FBXO38: variants seen among roughly 807,000 people sequenced by gnomAD.
FBXO38 encodes the protein F-box only protein 38.
Under a neutral mutation model 131.9 loss-of-function variants are expected in FBXO38, and 53 were observed. That is an observed-to-expected ratio of 0.40 (90% CI 0.32 to 0.51). FBXO38 has a LOEUF of 0.51. Ranked by LOEUF, FBXO38 falls within the 20% of genes least tolerant of loss-of-function variation. FBXO38 has a pLI of 0.53. For synonymous variants in FBXO38, 452 were observed against 505.6 expected, an observed-to-expected ratio of 0.89 and a Z score of 1.42; for missense variants, 1,076 against 1,475.6, an observed-to-expected ratio of 0.73 and a Z score of 4.44.
intron 12 of FBXO38, among the ~76,000 whole-genome samples, chr5:148,421,769 C>T (rs1474083553): frequency 1.3e-5 from 2 of 152,138 alleles, no homozygotes; most frequent in Admixed American, 1.3e-4. Context: ...AGCCCAGGGG[C>T]ATCACCATCC....
intron 2 of FBXO38, among the ~76,000 whole-genome samples, chr5:148,395,827 T>C (rs557861382): frequency 3.9e-5 from 6 of 152,246 alleles, no homozygotes; most frequent in African/African-American, 1.4e-4. Flanking sequence ...ACATGGTACT[T>C]ATCATTTCCC....
chr5:148,385,963 A>T (rs1003640537), intron 1 of FBXO38, among the ~76,000 whole-genome samples: 3 of 152,152 alleles, frequency 2.0e-5, no homozygotes, highest in Non-Finnish European at 4.4e-5. Context: ...AGGAGATTTG[A>T]ATTGACGAGA....
At chr5:148,397,894 C>G (rs1443289864) in intron 2 of FBXO38, among the ~76,000 whole-genome samples, 1 of 152,014 alleles carries the variant, frequency 6.6e-6, no homozygotes, top group African/African-American at 2.4e-5. Context: ...AATACACTTA[C>G]CTGGAATTTG....
chr5:148,425,618 T>C lies in FBXO38; in HGVS notation c.1835T>C (p.Val612Ala), dbSNP rs1412789639. 4.3e-6 allele frequency: 7 copies of C among 1,613,874 alleles called. 1 individual carries two copies. The South Asian group carries it at 7.7e-5, about 18-fold the overall frequency. Residue 612 changes from valine to alanine, a missense_variant, in exon 14 of 22, where the codon GTC becomes GCC. Val to Ala is a moderately conservative substitution (Grantham distance 64). Coordinates refer to ENST00000340253, the MANE Select transcript of FBXO38 (RefSeq NM_205836.3). The part of the protein sequence containing the change: ...DEEDSLELQE[V>A]WIPKNGTRRY... Reference sequence around the variant, plus strand: ...GAAGATAGTCTAGAACTCCAAGAAGTCTGGATTCCTAAGAACGGTACTCGG... The same window carrying C: ...GAAGATAGTCTAGAACTCCAAGAAGCCTGGATTCCTAAGAACGGTACTCGG...
At chr5:148,402,975 T>C (rs1042307214) in intron 5 of FBXO38, among the ~76,000 whole-genome samples, 2 of 152,052 alleles carry the variant, frequency 1.3e-5, no homozygotes, top group African/African-American at 2.4e-5. Flanking sequence ...AAGTGGAAAT[T>C]TCTGAAACTC....
intron 19 of FBXO38, 140 bp downstream of exon 19, chr5:148,439,932 G>A (rs1754575463): frequency 1.3e-6 from 1 of 794,966 alleles, no homozygotes. Flanking sequence ...GTTAACGTAA[G>A]TAAGAAACTG....
intron 12 of FBXO38, among the ~76,000 whole-genome samples, chr5:148,420,039 G>C (rs1043752290): frequency 4.0e-5 from 6 of 151,744 alleles, no homozygotes; most frequent in South Asian, 4.1e-4. Flanking sequence ...GTACTTAATT[G>C]TGAGCTAGTT....
chr5:148,410,593 GT>G lies in FBXO38; in HGVS notation c.963-37del, dbSNP rs750315745. The G allele has an allele frequency of 1.7e-5, 28 of 1,607,542 alleles. No homozygotes were observed. In the African/African-American group the frequency reaches 3.6e-4, roughly 21 times the overall value. ...TTAGGAGGAATCTTTGATTCTGATG[GT>G]TTTTGTTTTACTCTGATATGTTCTC... On this transcript the variant is annotated intron_variant, in intron 8 of 21. Transcript: ENST00000340253.
In FBXO38 at chr5:148,406,233, T is replaced by C. The variant is rs200447326; in HGVS notation, c.731-24T>C. On this transcript the variant is annotated intron_variant, in intron 6 of 21. Transcript: ENST00000340253. ...TTTTAAGGCACTTTACATTGTTCTA[T>C]CAAAGATTTTTTTTTTTTTCCAGGA... The C allele has an allele frequency of 8.4e-5, 131 of 1,550,388 alleles. No individual in the cohort carries two copies. The African/African-American group carries it at 1.5e-3, about 17-fold the overall frequency.
At chr5:148,430,982 C>T (rs1057186491) in intron 15 of FBXO38, among the ~76,000 whole-genome samples, 12 of 152,164 alleles carry the variant, frequency 7.9e-5, no homozygotes, top group South Asian at 2.1e-4. Context: ...ATTGATCTGC[C>T]TTTCTCTGTT....
chr5:148,427,458 T>A lies in FBXO38; in HGVS notation c.2164T>A (p.Ser722Thr), dbSNP rs1168710534. Residue 722 changes from serine (S) to threonine (T), a missense_variant, in exon 15 of 22, where the codon TCT becomes ACT. By Grantham distance (58) the Ser-to-Thr change is moderately conservative. Transcript: ENST00000340253. ...AAACTCCAGCTCACACAACACTGCT[T>A]CTCAAAGCCCCGACTTTGTAAGGAC... ...VGNSSSHNTA[S>T]QSPDFVRTVN... 3 of 1,614,044 alleles carry A rather than the reference T, an allele frequency of 1.9e-6. No homozygotes were observed. The African/African-American group carries it at 4.0e-5, about 22-fold the overall frequency.
chr5:148,390,276 G>A (rs779111473), intron 1 of FBXO38, among the ~76,000 whole-genome samples: 2 of 152,092 alleles, frequency 1.3e-5, no homozygotes, highest in Non-Finnish European at 2.9e-5. Context: ...TTTGACCGAG[G>A]AAGCTTTTTA....
intron 11 of FBXO38, 116 bp downstream of exon 11, chr5:148,416,186 A>T: frequency 2.1e-6 from 2 of 972,334 alleles, no homozygotes; most frequent in Non-Finnish European, 2.9e-6. Flanking sequence ...TTACAGTCGG[A>T]CTTTTTACTG....
intron 5 of FBXO38, among the ~76,000 whole-genome samples, chr5:148,403,416 GT>G (rs1217853481): frequency 6.6e-6 from 1 of 151,890 alleles, no homozygotes; most frequent in African/African-American, 2.4e-5. Flanking sequence ...ACAGAAAGTG[GT>G]TTGGGCCTGG....
intron 14 of FBXO38, 143 bp downstream of exon 14, chr5:148,425,844 G>GA: frequency 1.5e-6 from 1 of 684,280 alleles, no homozygotes; most frequent in South Asian, 1.9e-5. Flanking sequence ...CCAAGTAAGG[G>GA]AAATCTGGGT....
At chr5:148,433,807 C>A in intron 17 of FBXO38, 70 bp downstream of exon 17, 1 of 799,974 alleles carries the variant, frequency 1.3e-6, no homozygotes, top group Non-Finnish European at 2.0e-6. Context: ...CTCATAAATA[C>A]TGTAATAGCA....
chr5:148,433,496 A>G lies in FBXO38; in HGVS notation c.2726A>G (p.Asp909Gly). The G allele has an allele frequency of 6.2e-7, 1 of 1,613,766 alleles. No individual in the cohort carries two copies. The highest frequency in any genetic ancestry group is 8.5e-7 in the Non-Finnish European group (1 of 1,179,716). ...GCAGATAAATCCACTAGTACAAGTG[A>G]TCCTGTGATCGAGGATGACCATGTG... ...RTADKSTSTS[D>G]PVIEDDHVQV... Residue 909 changes from aspartate to glycine, a missense_variant, in exon 16 of 22, where the codon GAT becomes GGT. Asp to Gly is a moderately conservative substitution (Grantham distance 94, BLOSUM62 -1). Around this residue, in one of 8 missense-constraint regions of FBXO38, gnomAD observed 282 missense variants for 418.8 expected, o/e 0.67. Transcript: ENST00000340253.
Position 148,439,633 on chromosome 5 carries a change from G to T in FBXO38, c.3025-14G>T, listed in dbSNP as rs747465098. ...CTCTTTGTTGAAGACATCTCTTTAT[G>T]ATGTCTTCCACAGGTGGACACTCTA... On this transcript the variant is annotated splice_polypyrimidine_tract_variant and intron_variant, in intron 18 of 21. Coordinates refer to ENST00000340253, the MANE Select transcript of FBXO38 (RefSeq NM_205836.3). 7 of 1,600,438 alleles carry T rather than the reference G, an allele frequency of 4.4e-6. No homozygotes were observed. Among genetic ancestry groups the T allele is most frequent in the Non-Finnish European group, 5.1e-6 (6 of 1,178,632 alleles).
At chr5:148,420,590 T>C (rs1261367412) in intron 12 of FBXO38, among the ~76,000 whole-genome samples, 2 of 152,364 alleles carry the variant, frequency 1.3e-5, no homozygotes, top group East Asian at 3.9e-4. Flanking sequence ...AATTTTCTAT[T>C]TTGATTTAAC....
Sources: gnomAD v4.1 joint callset for allele counts (sites outside exome capture counted in the v4.1 genomes callset) on GRCh38, gnomAD v4.1.1 for gene constraint, gnomAD v4.1.1 regional missense constraint, MANE v1.5 for transcripts, NCBI Gene and HGNC (gene_info 2026-07-23, HGNC 2026-07-21) for gene names.